CAND1: variants seen among roughly 807,000 people sequenced by gnomAD.
CAND1 encodes the protein cullin-associated NEDD8-dissociated protein 1.
A neutral mutation model predicts 108.5 loss-of-function variants in CAND1; 7 were observed. The observed-to-expected ratio is 0.06, with a 90% CI of 0.04 to 0.12. CAND1 has a LOEUF of 0.12. Ranked by LOEUF, CAND1 falls within the 10% of genes least tolerant of loss-of-function variation. The pLI, the probability that CAND1 is intolerant of heterozygous loss-of-function variation, is 1.00. For missense variants in CAND1, 941 were observed against 1,448.7 expected (o/e 0.65, Z 5.69); for synonymous variants, 534 against 512.0 (o/e 1.04, Z -0.58).
At chr12:67,298,197 C>T (rs978659763) in intron 6 of CAND1, among the ~76,000 whole-genome samples, 1 of 152,142 alleles carries the variant, frequency 6.6e-6, no homozygotes, top group Non-Finnish European at 1.5e-5. Flanking sequence ...AGTGAATTGC[C>T]TTTTCAACAA....
chr12:67,282,342 AGTTG>A (rs2044627570), intron 2 of CAND1, among the ~76,000 whole-genome samples: 3 of 149,026 alleles, frequency 2.0e-5, no homozygotes, highest in Non-Finnish European at 4.4e-5. Context: ...CTACATTTTT[AGTTG>A]AGTTAAAGGC....
intron 2 of CAND1, among the ~76,000 whole-genome samples, chr12:67,283,092 C>A (rs2044635395): frequency 6.6e-6 from 1 of 152,048 alleles, no homozygotes; most frequent in South Asian, 2.1e-4. Flanking sequence ...TATTTGATAT[C>A]AATTTAAATA....
chr12:67,270,479 A>G (rs1723845629), intron 1 of CAND1: 1 of 152,188 alleles, frequency 6.6e-6, no homozygotes, highest in Non-Finnish European at 1.5e-5. Context: ...TTTCAGTCTC[A>G]TGTCCTCATA....
At chr12:67,309,272 A>T (rs546034611) in intron 11 of CAND1, among the ~76,000 whole-genome samples, 1 of 152,046 alleles carries the variant, frequency 6.6e-6, no homozygotes, top group South Asian at 2.1e-4. Flanking sequence ...GAGTAAGCAG[A>T]CTTTTAAAAT....
At chr12:67,278,490 C>T (rs1725968193) in intron 1 of CAND1, among the ~76,000 whole-genome samples, 1 of 151,668 alleles carries the variant, frequency 6.6e-6, no homozygotes, top group Admixed American at 6.6e-5. Context: ...ACCCGCAGTT[C>T]AGTCTAGGTC....
In CAND1 at chr12:67,312,091, TA is replaced by T. The variant is rs143014881; in HGVS notation, c.3468+293del. ...ATCAGGCCACAAAAGAGGAAATTTT[TA>T]ATTCTGGTTGGAAGGGGAGTCAGAA... On this transcript the variant is annotated intron_variant, in intron 14 of 14. Transcript: ENST00000545606. Among the ~76,000 whole-genome samples, 1,023 of 152,260 alleles carry T rather than the reference TA, an allele frequency of 6.7e-3. 6 individuals carry two copies. The highest frequency in any genetic ancestry group is 0.023 in the African/African-American group (969 of 41,536).
chr12:67,300,821 T>C (rs2044818038), intron 7 of CAND1, among the ~76,000 whole-genome samples: 1 of 152,190 alleles, frequency 6.6e-6, no homozygotes, highest in African/African-American at 2.4e-5. Flanking sequence ...CTTTAGCTTA[T>C]ATTTTAATAT....
chr12:67,275,704 T>C (rs1465598285), intron 1 of CAND1, among the ~76,000 whole-genome samples: 3 of 152,168 alleles, frequency 2.0e-5, no homozygotes, highest in Non-Finnish European at 4.4e-5. Flanking sequence ...ATTGTGTTTA[T>C]GTATGATGGG....
At chr12:67,291,397 G>C (rs1356361967) in intron 2 of CAND1, among the ~76,000 whole-genome samples, 1 of 152,142 alleles carries the variant, frequency 6.6e-6, no homozygotes, top group East Asian at 1.9e-4. Context: ...AATTCTTTTG[G>C]TTCATGAGGT....
chr12:67,283,985 A>G (rs2044644528), intron 2 of CAND1, among the ~76,000 whole-genome samples: 1 of 152,190 alleles, frequency 6.6e-6, no homozygotes, highest in Admixed American at 6.5e-5. Flanking sequence ...TGGGTCTTGG[A>G]GGTTGGAAAA....
intron 2 of CAND1, among the ~76,000 whole-genome samples, chr12:67,284,411 C>T (rs1019661051): frequency 7.9e-5 from 12 of 152,054 alleles, no homozygotes; most frequent in African/African-American, 2.9e-4. Context: ...TTTATTAATA[C>T]AGTTATTATG....
At chr12:67,310,392 C>G (rs1305159387) in intron 13 of CAND1, 76 bp downstream of exon 13, 1 of 1,057,588 alleles carries the variant, frequency 9.5e-7, no homozygotes, top group African/African-American at 1.6e-5. Context: ...TTGTAATTTA[C>G]TCATGTGTCT....
At chr12:67,296,982 G>C (rs2044775966) in intron 4 of CAND1, among the ~76,000 whole-genome samples, 1 of 151,880 alleles carries the variant, frequency 6.6e-6, no homozygotes, top group African/African-American at 2.4e-5. Context: ...GTTTTTTGTA[G>C]AGATGAGGTT....
At chr12:67,307,320 T>A in intron 10 of CAND1, 77 bp from the exon 11 acceptor site, 1 of 959,010 alleles carries the variant, frequency 1.0e-6, no homozygotes, top group Non-Finnish European at 1.7e-6. Context: ...CTGGTGTTAT[T>A]TGGAGTGGTT....
In CAND1 at chr12:67,269,412, G is replaced by T. The variant is rs1473668769; in HGVS notation, c.-306G>T. 2.5e-6 allele frequency: 1 copy of T among 401,650 alleles called. No homozygotes were observed. Among genetic ancestry groups the T allele is most frequent in the East Asian group, 5.6e-5 (1 of 17,902 alleles). 24.9% of individuals were successfully genotyped at this position (401,650 alleles called of 1,614,324 possible). A position where few individuals can be genotyped will look rare whatever the true frequency, so the allele number is the denominator to read the frequency against. ...AGTGGGAGCGAGACGGCCCTGAGTGGAAGTGTCTGGCTCCCCGTAGAGGCC... is the reference window on the plus strand; with the variant it reads ...AGTGGGAGCGAGACGGCCCTGAGTGTAAGTGTCTGGCTCCCCGTAGAGGCC... On this transcript the variant is annotated 5_prime_UTR_variant, in exon 1 of 15. Coordinates refer to ENST00000545606, the MANE Select transcript of CAND1 (RefSeq NM_018448.5).
intron 7 of CAND1, among the ~76,000 whole-genome samples, chr12:67,299,566 G>A (rs2044803503): frequency 6.6e-6 from 1 of 152,120 alleles, no homozygotes; most frequent in Admixed American, 6.6e-5. Context: ...ATTTAGGGCA[G>A]CTTGGCTTGA....
Position 67,269,586 on chromosome 12 carries a change from G to C in CAND1, c.-132G>C. On this transcript the variant is annotated 5_prime_UTR_variant, in exon 1 of 15. Transcript: ENST00000545606. ...CGAGGCGCCTCCCTAGTCAGCGTCG[G>C]CGTCGCGCTGCGACCCTGGAAGCGG... 1.4e-6 allele frequency: 1 copy of C among 696,948 alleles called. No individual in the cohort carries two copies. Among genetic ancestry groups the C allele is most frequent in the Non-Finnish European group, 2.4e-6 (1 of 423,456 alleles). The allele number at this position is 696,948 out of a possible 1,614,324, so 43.2% of individuals were successfully genotyped here. A position where few individuals can be genotyped will look rare whatever the true frequency, so the allele number is the denominator to read the frequency against.
At chr12:67,273,018 T>TA (rs911980071) in intron 1 of CAND1, among the ~76,000 whole-genome samples, 10 of 152,072 alleles carry the variant, frequency 6.6e-5, no homozygotes, top group African/African-American at 2.4e-4. Context: ...TTGTTTGTTT[T>TA]AAAAAAAGGA....
intron 2 of CAND1, among the ~76,000 whole-genome samples, chr12:67,287,632 T>C (rs1479107011): frequency 1.3e-5 from 2 of 152,098 alleles, no homozygotes; most frequent in African/African-American, 4.8e-5. Context: ...AATCAGGAAC[T>C]TACCAGCTTT....
Sources: allele counts gnomAD v4.1 joint callset (sites outside exome capture counted in the v4.1 genomes callset), GRCh38; gene constraint gnomAD v4.1.1; transcripts MANE v1.5; gene names NCBI Gene and HGNC (gene_info 2026-07-23, HGNC 2026-07-21).